THSD7A: variants seen among roughly 807,000 people sequenced by gnomAD.
THSD7A encodes thrombospondin type 1 domain containing 7A.
THSD7A carries 96 observed loss-of-function variants against 231.3 expected under a neutral mutation model. The observed-to-expected ratio is 0.41, with a 90% confidence interval of 0.35 to 0.49. THSD7A has a LOEUF of 0.49. Among genes scored for constraint, THSD7A ranks in the 20% least tolerant of loss-of-function variants. The pLI, the probability that THSD7A is intolerant of heterozygous loss-of-function variation, is 0.05. For missense variants in THSD7A, 2,290 were observed against 2,070.2 expected, an observed-to-expected ratio of 1.11 and a Z score of -2.06; for synonymous variants, 940 against 743.3, an observed-to-expected ratio of 1.26 and a Z score of -4.30.
intron 1 of THSD7A, among the ~76,000 whole-genome samples, chr7:11,796,377 G>A (rs1296071035): frequency 9.3e-5 from 14 of 150,798 alleles, no homozygotes; most frequent in African/African-American, 3.4e-4. Context: ...TCTTTTGTAT[G>A]TACTCCGCAC....
chr7:11,480,927 CA>C (rs3086975), intron 7 of THSD7A, among the ~76,000 whole-genome samples: 17 of 151,828 alleles, frequency 1.1e-4, no homozygotes, highest in Non-Finnish European at 2.9e-5. Context: ...TAAATGTGAA[CA>C]AAGAGTCATT....
At chr7:11,475,589 G>A (rs1469091642) in intron 7 of THSD7A, among the ~76,000 whole-genome samples, 1 of 143,946 alleles carries the variant, frequency 6.9e-6, no homozygotes. Flanking sequence ...TAACATATAT[G>A]TATATAACAT....
At chr7:11,564,110 T>C (rs188895855) in intron 4 of THSD7A, among the ~76,000 whole-genome samples, 226 of 152,352 alleles carry the variant, frequency 1.5e-3, no homozygotes, top group Non-Finnish European at 2.7e-3. Context: ...GAGTGAAAGA[T>C]ACACTGTATA....
intron 27 of THSD7A, among the ~76,000 whole-genome samples, chr7:11,376,295 C>A (rs1178020369): frequency 1.3e-5 from 2 of 152,038 alleles, no homozygotes; most frequent in Non-Finnish European, 2.9e-5. Flanking sequence ...ATATAAAAAT[C>A]TACAGTTCAC....
At chr7:11,778,839 C>A (rs1213830491) in intron 1 of THSD7A, among the ~76,000 whole-genome samples, 1 of 151,988 alleles carries the variant, frequency 6.6e-6, no homozygotes, top group Non-Finnish European at 1.5e-5. Flanking sequence ...TAAATCTATG[C>A]ACAAATAAAT....
rs191331776 is a variant in THSD7A at position 11,716,860 on chromosome 7, A to G, written c.191-79899T>C. Among the ~76,000 whole-genome samples, 51 of 151,726 alleles carry G rather than the reference A, an allele frequency of 3.4e-4. No individual in the cohort carries two copies. In the East Asian group the frequency reaches 9.8e-3, roughly 29 times the overall value. On this transcript the variant is annotated intron_variant, in intron 1 of 27. Transcript: ENST00000423059. Reference sequence around the variant, plus strand: ...TAAGAAAAACAGAAAAAGCGTATGTAATACAAACATAAGACAATTACAAAA... The same window carrying G: ...TAAGAAAAACAGAAAAAGCGTATGTGATACAAACATAAGACAATTACAAAA...
chr7:11,421,109 G>T (rs1784128519), intron 16 of THSD7A, among the ~76,000 whole-genome samples: 1 of 152,316 alleles, frequency 6.6e-6, no homozygotes, highest in South Asian at 2.1e-4. Context: ...GGCTTTGGGA[G>T]ACTGTTGGGA....
At chr7:11,535,664 T>C (rs866671291) in intron 6 of THSD7A, among the ~76,000 whole-genome samples, 1 of 152,034 alleles carries the variant, frequency 6.6e-6, no homozygotes, top group Non-Finnish European at 1.5e-5. Flanking sequence ...GCTTAAATTA[T>C]GGAAAAACGA....
chr7:11,551,503 TAAAC>T (rs1446021871), intron 4 of THSD7A, among the ~76,000 whole-genome samples: 1 of 151,716 alleles, frequency 6.6e-6, no homozygotes, highest in Non-Finnish European at 1.5e-5. Context: ...TAACAAAAAA[TAAAC>T]AACCCCATTA....
At chr7:11,787,971 G>A (rs1377869319) in intron 1 of THSD7A, among the ~76,000 whole-genome samples, 2 of 152,032 alleles carry the variant, frequency 1.3e-5, no homozygotes. Context: ...ACCAATGCCT[G>A]CTGGAATTCC....
chr7:11,676,163 C>G (rs1258138699), intron 1 of THSD7A, among the ~76,000 whole-genome samples: 1 of 152,162 alleles, frequency 6.6e-6, no homozygotes, highest in Non-Finnish European at 1.5e-5. Context: ...AGCAGACCTG[C>G]AGAAGAGGGG....
chr7:11,732,580 A>T (rs1008369090), intron 1 of THSD7A, among the ~76,000 whole-genome samples: 1 of 151,898 alleles, frequency 6.6e-6, no homozygotes, highest in Non-Finnish European at 1.5e-5. Context: ...TATAAAACAC[A>T]AAATAAAACA....
At chr7:11,522,848 A>T (rs1788321556) in intron 6 of THSD7A, among the ~76,000 whole-genome samples, 1 of 152,160 alleles carries the variant, frequency 6.6e-6, no homozygotes, top group Non-Finnish European at 1.5e-5. Flanking sequence ...GCACACATTT[A>T]ATAAAAATCA....
intron 1 of THSD7A, among the ~76,000 whole-genome samples, chr7:11,830,702 G>A (rs1201088025): frequency 6.6e-6 from 1 of 152,202 alleles, no homozygotes; most frequent in African/African-American, 2.4e-5. Flanking sequence ...TGATGCAATT[G>A]TAGAGTAGAC....
At chr7:11,751,515 C>T (rs879391263) in intron 1 of THSD7A, among the ~76,000 whole-genome samples, 20 of 151,962 alleles carry the variant, frequency 1.3e-4, no homozygotes, top group Non-Finnish European at 2.6e-4. Flanking sequence ...TCACCATGAT[C>T]TGGCATATAA....
intron 1 of THSD7A, among the ~76,000 whole-genome samples, chr7:11,825,455 C>T (rs550542394): frequency 5.9e-5 from 9 of 152,028 alleles, no homozygotes; most frequent in Non-Finnish European, 1.3e-4. Flanking sequence ...TTAACTGTAT[C>T]AATTCGTATT....
At chr7:11,556,343 CTT>C (rs1405388649) in intron 4 of THSD7A, among the ~76,000 whole-genome samples, 7 of 149,866 alleles carry the variant, frequency 4.7e-5, no homozygotes. Context: ...ATATATATAT[CTT>C]ATCACAGCCT....
At chr7:11,419,010 A>G (rs1176266762) in intron 16 of THSD7A, among the ~76,000 whole-genome samples, 1 of 152,206 alleles carries the variant, frequency 6.6e-6, no homozygotes, top group African/African-American at 2.4e-5. Flanking sequence ...ACAGCAGCTT[A>G]GAGACATGTT....
In THSD7A at chr7:11,370,541, G is replaced by A. The variant is rs1352209239; in HGVS notation, c.*5253C>T. ...CATATTACATCTTCACATGCCATCTGTATTGACTGAATAAAGCTTAGTGAC... is the reference window on the plus strand; with the variant it reads ...CATATTACATCTTCACATGCCATCTATATTGACTGAATAAAGCTTAGTGAC... On this transcript the variant is annotated 3_prime_UTR_variant, in exon 28 of 28. Transcript: ENST00000423059. The A allele has an allele frequency of 6.6e-6, 1 of 152,076 alleles. No individual in the cohort carries two copies. The highest frequency in any genetic ancestry group is 2.4e-5 in the African/African-American group (1 of 41,410). The allele number at this position is 152,076 out of a possible 1,614,324, so 9.4% of individuals were successfully genotyped here. A position where few individuals can be genotyped will look rare whatever the true frequency, so the allele number is the denominator to read the frequency against.
Sources: allele counts gnomAD v4.1 joint callset (sites outside exome capture counted in the v4.1 genomes callset), GRCh38; gene constraint gnomAD v4.1.1; transcripts MANE v1.5; gene names NCBI Gene and HGNC (gene_info 2026-07-23, HGNC 2026-07-21).